The following UBE2D4 variants were observed in gnomAD, a reference collection of about 807,000 sequenced individuals.
UBE2D4 encodes the protein ubiquitin conjugating enzyme E2 D4, also known as ubiquitin-conjugating enzyme E2 D4.
In UBE2D4, 17 loss-of-function variants were observed where a neutral mutation model predicts 23.0. That is an observed-to-expected ratio of 0.74 (90% confidence interval 0.51 to 1.11). The LOEUF is 1.11. UBE2D4 is among the 50% of genes least tolerant of loss of function. UBE2D4 has a pLI of 0.00. For synonymous variants in UBE2D4, 61 were observed against 69.4 expected, an observed-to-expected ratio of 0.88 and a Z score of 0.60; for missense variants, 139 against 181.8, an observed-to-expected ratio of 0.76 and a Z score of 1.35.
chr7:43,926,670 C>A, intron 1 of UBE2D4, 114 bp downstream of exon 1: 1 of 1,187,762 alleles, frequency 8.4e-7, no homozygotes, highest in Non-Finnish European at 1.1e-6. Context: ...GCGGATACAC[C>A]TGCCTGGGAA....
intron 1 of UBE2D4, among the ~76,000 whole-genome samples, chr7:43,934,758 G>A (rs2095954842): frequency 6.6e-6 from 1 of 151,766 alleles, no homozygotes; most frequent in African/African-American, 2.4e-5. Context: ...CTCATCACAT[G>A]GGATGCATTG....
In UBE2D4 at chr7:43,948,528, A is replaced by C. The variant is rs960334500; in HGVS notation, c.199-104A>C. 4 of 736,142 alleles carry C rather than the reference A, an allele frequency of 5.4e-6. No individual in the cohort carries two copies. In the African/African-American group the frequency reaches 7.0e-5, roughly 13 times the overall value. The allele number at this position is 736,142 out of a possible 1,614,324, so 45.6% of individuals were successfully genotyped here. ...GCCTGCACTGTGGGGCCAGGTATGC[A>C]GCACACTCCAGGTACTGCCCAGCAG... On this transcript the variant is annotated intron_variant, in intron 4 of 6. Coordinates refer to ENST00000222402, the MANE Select transcript of UBE2D4 (RefSeq NM_015983.4).
At chr7:43,937,996 T>C (rs2095962190) in intron 1 of UBE2D4, among the ~76,000 whole-genome samples, 1 of 152,122 alleles carries the variant, frequency 6.6e-6, no homozygotes, top group Non-Finnish European at 1.5e-5. Flanking sequence ...CATTAATTCA[T>C]TAGCCTAGCA....
chr7:43,935,631 A>T (rs1466994846), intron 1 of UBE2D4, among the ~76,000 whole-genome samples: 4 of 152,206 alleles, frequency 2.6e-5, no homozygotes, highest in Non-Finnish European at 2.9e-5. Context: ...TTAAGTTTGC[A>T]CTTTTGTGAG....
At chr7:43,942,901 G>A (rs1261219195) in intron 3 of UBE2D4, 44 bp downstream of exon 3, 1 of 1,614,134 alleles carries the variant, frequency 6.2e-7, no homozygotes, top group South Asian at 1.1e-5. Flanking sequence ...TTTGCTTCTT[G>A]CACTTTGGGC....
rs2096008024 is a variant in UBE2D4, at chr7:43,953,756, G to A, written c.*1061G>A. 6.5e-6 allele frequency: 1 copy of A among 153,298 alleles called. No individual in the cohort carries two copies. Among genetic ancestry groups the A allele is most frequent in the Non-Finnish European group, 1.5e-5 (1 of 68,782 alleles). The allele number at this position is 153,298 out of a possible 1,614,324, so 9.5% of individuals were successfully genotyped here. A position where few individuals can be genotyped will look rare whatever the true frequency, so the allele number is the denominator to read the frequency against. ...TTGAGATTAGGTTAGTTAGGAAGAG[G>A]ACAACAAAGGGAAGAGATTATTCTA... is the stretch of plus-strand genomic sequence containing the variant. On this transcript the variant is annotated 3_prime_UTR_variant, in exon 7 of 7. Coordinates refer to ENST00000222402, the MANE Select transcript of UBE2D4 (RefSeq NM_015983.4).
intron 1 of UBE2D4, among the ~76,000 whole-genome samples, chr7:43,935,782 T>C (rs2095957064): frequency 6.6e-6 from 1 of 152,240 alleles, no homozygotes; most frequent in Non-Finnish European, 1.5e-5. Flanking sequence ...TACTTGATGC[T>C]CTCCCACAGT....
At chr7:43,930,998 C>T (rs2095944072) in intron 1 of UBE2D4, among the ~76,000 whole-genome samples, 1 of 151,882 alleles carries the variant, frequency 6.6e-6, no homozygotes, top group Admixed American at 6.6e-5. Context: ...GTGGCATGTG[C>T]CTGTAATCCT....
intron 1 of UBE2D4, 81 bp downstream of exon 1, chr7:43,926,637 A>G: frequency 7.1e-7 from 1 of 1,407,656 alleles, no homozygotes; most frequent in Admixed American, 2.8e-5. Context: ...GTGAAGTGAA[A>G]GGTGACGGAG....
chr7:43,947,839 ATCC>A (rs2132793002), intron 4 of UBE2D4, among the ~76,000 whole-genome samples: 1 of 152,274 alleles, frequency 6.6e-6, no homozygotes, highest in African/African-American at 2.4e-5. Flanking sequence ...ATTTCTCCAC[ATCC>A]TCTCCAGCAT....
At chr7:43,932,394 G>A (rs899042177) in intron 1 of UBE2D4, among the ~76,000 whole-genome samples, 1 of 152,164 alleles carries the variant, frequency 6.6e-6, no homozygotes, top group Non-Finnish European at 1.5e-5. Context: ...CCTCAACGTT[G>A]GAGATTACAA....
chr7:43,933,056 AACATATATACAC>A (rs1272379731), intron 1 of UBE2D4, among the ~76,000 whole-genome samples: 1 of 146,258 alleles, frequency 6.8e-6, no homozygotes, highest in East Asian at 2.0e-4. Flanking sequence ...GTATATATAT[AACATATATACAC>A]ACATATATAT....
chr7:43,927,969 G>A (rs150702212), intron 1 of UBE2D4: 2 of 443,448 alleles, frequency 4.5e-6, no homozygotes, highest in African/African-American at 4.0e-5. Flanking sequence ...CTGAGGCTGG[G>A]TAATTAATAA....
intron 5 of UBE2D4, among the ~76,000 whole-genome samples, chr7:43,950,292 G>C (rs1027749027): frequency 1.3e-5 from 2 of 152,142 alleles, no homozygotes; most frequent in African/African-American, 2.4e-5. Flanking sequence ...CATGATGTAG[G>C]GTACAGACAA....
At chr7:43,937,161 G>A (rs1239758261) in intron 1 of UBE2D4, among the ~76,000 whole-genome samples, 1 of 152,222 alleles carries the variant, frequency 6.6e-6, no homozygotes, top group Non-Finnish European at 1.5e-5. Context: ...GTGAGGTGGA[G>A]GGGAATTGGT....
intron 1 of UBE2D4, among the ~76,000 whole-genome samples, chr7:43,927,757 C>CTT (rs1375774313): frequency 1.4e-4 from 21 of 152,168 alleles, no homozygotes; most frequent in African/African-American, 4.8e-4. Flanking sequence ...GGGCAAGGCA[C>CTT]TTTATCATTC....
intron 1 of UBE2D4, among the ~76,000 whole-genome samples, chr7:43,927,553 C>T (rs762085320): frequency 6.6e-6 from 1 of 152,184 alleles, no homozygotes; most frequent in African/African-American, 2.4e-5. Flanking sequence ...GGTCCTCTTG[C>T]CTCTGCCTCC....
Position 43,954,938 on chromosome 7 carries a change from G to T in UBE2D4, c.*2243G>T, listed in dbSNP as rs531029374. 1.3e-5 allele frequency: 2 copies of T among 152,206 alleles called. No individual in the cohort carries two copies. Among genetic ancestry groups the T allele is most frequent in the Non-Finnish European group, 2.9e-5 (2 of 68,042 alleles). 9.4% of individuals were successfully genotyped at this position (152,206 alleles called of 1,614,324 possible). Reference sequence around the variant, plus strand: ...TTCCCAAGAAACTGATGAATTTTCTGAGTCCAGACAAAATTTCCCCAAGCC... The same window carrying T: ...TTCCCAAGAAACTGATGAATTTTCTTAGTCCAGACAAAATTTCCCCAAGCC... On this transcript the variant is annotated 3_prime_UTR_variant, in exon 7 of 7. Transcript: ENST00000222402.
chr7:43,934,242 A>G (rs10951745), intron 1 of UBE2D4, among the ~76,000 whole-genome samples: 18,963 of 151,940 alleles, frequency 0.12, 1,273 homozygotes, highest in Admixed American at 0.19. Flanking sequence ...TAGATTGTGT[A>G]TCATGGGCCT....
Sources: allele counts gnomAD v4.1 joint callset (sites outside exome capture counted in the v4.1 genomes callset), GRCh38; gene constraint gnomAD v4.1.1; transcripts MANE v1.5; gene names NCBI Gene and HGNC (gene_info 2026-07-23, HGNC 2026-07-21).